Variants in GUSB observed in about 807,000 individuals in gnomAD.
GUSB encodes the protein glucuronidase beta.
GUSB carries 51 observed loss-of-function variants against 74.6 expected under a neutral mutation model. The observed-to-expected ratio is 0.68, with a 90% CI of 0.55 to 0.86. The LOEUF (loss-of-function observed/expected upper bound fraction) is 0.86, where lower values mean the gene tolerates loss of function less well. Among genes scored for constraint, GUSB ranks in the 40% least tolerant of loss-of-function variants. The pLI, the probability that GUSB is intolerant of heterozygous loss-of-function variation, is 0.00. For synonymous variants in GUSB, 360 were observed against 348.3 expected, an observed-to-expected ratio of 1.03 and a Z score of -0.37; for missense variants, 736 against 853.7, an observed-to-expected ratio of 0.86 and a Z score of 1.72.
chr7:65,977,127 C>T (rs1562690804), intron 4 of GUSB, among the ~76,000 whole-genome samples: 2 of 152,096 alleles, frequency 1.3e-5, no homozygotes, highest in Non-Finnish European at 2.9e-5. Flanking sequence ...CTCATCCTTA[C>T]GAGCAGCCTG....
chr7:65,980,675 G>C, intron 1 of GUSB: 9 of 510,078 alleles, frequency 1.8e-5, no homozygotes, highest in Non-Finnish European at 2.5e-5. Flanking sequence ...ATCCCAGCCA[G>C]AGGCAAGAAG....
At chr7:65,973,268 C>T (rs1791332393) in intron 8 of GUSB, among the ~76,000 whole-genome samples, 1 of 152,068 alleles carries the variant, frequency 6.6e-6, no homozygotes, top group African/African-American at 2.4e-5. Flanking sequence ...CCTGGCCCAA[C>T]ATAGTGAAAC....
chr7:65,975,492 C>T lies in GUSB; in HGVS notation c.913-421G>A. On this transcript the variant is annotated intron_variant, in intron 5 of 11. Coordinates refer to ENST00000304895, the MANE Select transcript of GUSB (RefSeq NM_000181.4). The stretch of plus-strand genomic sequence containing the variant: ...CTCTGCCTCCTGAGTTCAAGCAATT[C>T]TCCTGCCTCAGCCTCCCGAGTGGCT... 3 of 264,146 alleles carry T rather than the reference C, an allele frequency of 1.1e-5. 1 individual carries two copies. The highest frequency in any genetic ancestry group is 2.2e-5 in the Non-Finnish European group (3 of 134,120). The allele number at this position is 264,146 out of a possible 1,614,324, so 16.4% of individuals were successfully genotyped here.
rs370769242 is a variant in GUSB, at chr7:65,974,446, G to A, written c.1245-5C>T. 2.4e-5 allele frequency: 38 copies of A among 1,614,158 alleles called. No individual in the cohort carries two copies. Among genetic ancestry groups the A allele is most frequent in the African/African-American group, 5.3e-5 (4 of 75,044 alleles). ...GAAACGTTGTTGAAGAACTGCCTGC[G>A]GGCCAGGAGGGAAGGGACAGAGGGT... On this transcript the variant is annotated splice_polypyrimidine_tract_variant and splice_region_variant and intron_variant, in intron 7 of 11. Transcript: ENST00000304895.
At chr7:65,973,455 C>T (rs1047180598) in intron 8 of GUSB, among the ~76,000 whole-genome samples, 12 of 152,210 alleles carry the variant, frequency 7.9e-5, no homozygotes, top group South Asian at 4.1e-4. Flanking sequence ...GGTATGTTGG[C>T]GTGTGCCTGT....
rs1166304465 is a variant in GUSB at position 65,960,913 on chromosome 7, T to C, written c.1940A>G (p.Asn647Ser). The change falls in exon 12 of 12, where the codon AAC becomes AGC. Residue 647 changes from asparagine (N) to serine (S), a missense_variant. Coordinates refer to ENST00000304895, the MANE Select transcript of GUSB (RefSeq NM_000181.4). ...HSVAKSQCLENSLFT is the reference protein window; with the variant it reads ...HSVAKSQCLESSLFT The stretch of plus-strand genomic sequence containing the variant: ...CAGTCTTGCTCAAGTAAACAGGCTG[T>C]TTTCCAAACATTGTGACTTGGCTAC... 6.2e-7 allele frequency: 1 copy of C among 1,613,786 alleles called. No homozygotes were observed. The highest frequency in any genetic ancestry group is 8.5e-7 in the Non-Finnish European group (1 of 1,179,912).
At position 65,974,330 on chromosome 7, in the gene GUSB, A is replaced by G. The variant is rs1321970104; in HGVS notation, c.1356T>C (p.Pro452=). 1 of 1,614,130 alleles carries G rather than the reference A, an allele frequency of 6.2e-7. No homozygotes were observed. Among genetic ancestry groups the G allele is most frequent in the East Asian group, 2.2e-5 (1 of 44,864 alleles). Residue 452 remains proline, a synonymous_variant, in exon 8 of 12, where the codon CCT becomes CCC. Coordinates refer to ENST00000304895, the MANE Select transcript of GUSB (RefSeq NM_000181.4). ...AVVMWSVANE[P]ASHLESAGYY... ...AGCCAGCAGATTCTAGGTGGGACGCAGGCTCGTTGGCCACAGACCACATCA... is the reference window on the plus strand; with the variant it reads ...AGCCAGCAGATTCTAGGTGGGACGCGGGCTCGTTGGCCACAGACCACATCA...
chr7:65,964,795 G>A (rs1267947083), intron 10 of GUSB, among the ~76,000 whole-genome samples: 5 of 152,166 alleles, frequency 3.3e-5, no homozygotes, highest in African/African-American at 1.2e-4. Flanking sequence ...TCAGTCAGGT[G>A]CAGTGGCTCA....
In GUSB at chr7:65,982,199, G is replaced by C; in HGVS notation, c.-16C>G. ...CCCGGGCCATGCTTCCCGGTCCCCC[G>C]CTCGGCCACCGTCTGCGGCGCTAAG... On this transcript the variant is annotated 5_prime_UTR_variant, in exon 1 of 12. Transcript: ENST00000304895. The C allele has an allele frequency of 1.3e-6, 2 of 1,496,586 alleles. No homozygotes were observed. The highest frequency in any genetic ancestry group is 1.8e-6 in the Non-Finnish European group (2 of 1,122,640). The allele number at this position is 1,496,586 out of a possible 1,614,324, so 92.7% of individuals were successfully genotyped here. A position where few individuals can be genotyped will look rare whatever the true frequency, so the allele number is the denominator to read the frequency against.
chr7:65,975,907 C>T (rs995355609), intron 5 of GUSB, 108 bp downstream of exon 5: 2 of 841,226 alleles, frequency 2.4e-6, no homozygotes, highest in Non-Finnish European at 3.8e-6. Context: ...CATCAGAAAG[C>T]TCAGAGGACC....
intron 4 of GUSB, among the ~76,000 whole-genome samples, chr7:65,977,642 G>A (rs1337431906): frequency 2.6e-5 from 4 of 151,542 alleles, no homozygotes; most frequent in African/African-American, 7.3e-5. Flanking sequence ...CATCCACCTT[G>A]GACTCCCAAA....
intron 3 of GUSB, 66 bp downstream of exon 3, chr7:65,979,661 T>C (rs1044291118): frequency 8.7e-5 from 138 of 1,587,312 alleles, no homozygotes; most frequent in Non-Finnish European, 1.1e-4. Flanking sequence ...ACCCAGTCCC[T>C]ACCAGGAAGA....
At chr7:65,980,049 T>G in intron 2 of GUSB, 138 bp from the exon 3 acceptor site, 1 of 939,948 alleles carries the variant, frequency 1.1e-6, no homozygotes. Flanking sequence ...GACATCCCAA[T>G]GGGGTAGATC....
intron 8 of GUSB, among the ~76,000 whole-genome samples, chr7:65,971,038 G>A (rs1406055592): frequency 5.3e-5 from 8 of 152,104 alleles, no homozygotes; most frequent in Admixed American, 1.3e-4. Context: ...CCCCATCTCC[G>A]AATCCTATAC....
At chr7:65,974,156 C>T in intron 8 of GUSB, 139 bp downstream of exon 8, 1 of 770,840 alleles carries the variant, frequency 1.3e-6, no homozygotes, top group Non-Finnish European at 2.2e-6. Flanking sequence ...ATATTTGGTC[C>T]CCTGAACTAT....
At position 65,979,783 on chromosome 7, in the gene GUSB, T is replaced by A; in HGVS notation, c.525A>T (p.Thr175=). ...CTGGTGGCAGGGTGGTGGGGGTGAG[T>A]GTGTTGTTGATGGCGATAGTGATTC... ...RLRITIAINN[T]LTPTTLPPGT... is the part of the protein sequence containing the mutation. Residue 175 remains threonine (T), a synonymous_variant, in exon 3 of 12, where the codon ACA becomes ACT. Coordinates refer to ENST00000304895, the MANE Select transcript of GUSB (RefSeq NM_000181.4). The A allele has an allele frequency of 6.2e-7, 1 of 1,612,934 alleles. No individual in the cohort carries two copies. The highest frequency in any genetic ancestry group is 8.5e-7 in the Non-Finnish European group (1 of 1,179,792).
Position 65,974,361 on chromosome 7 carries a change from G to A in GUSB, c.1325C>T (p.Ala442Val), listed in dbSNP as rs763845326. The A allele has an allele frequency of 3.2e-5, 51 of 1,613,982 alleles. No individual in the cohort carries two copies. The highest frequency in any genetic ancestry group is 4.0e-5 in the Non-Finnish European group (47 of 1,179,968). Residue 442 changes from alanine to valine, a missense_variant, in exon 8 of 12, where the codon GCG becomes GTG. Ala to Val is a moderately conservative substitution (Grantham distance 64, BLOSUM62 0). This residue lies in a region of GUSB where 368 missense variants were observed against 489.9 expected (regional missense o/e 0.75). Coordinates refer to ENST00000304895, the MANE Select transcript of GUSB (RefSeq NM_000181.4). ...GTTGGCCACAGACCACATCACGACC[G>A]CGGGGTGGTTCTTGTCCCTACGCAC... ...EVVRRDKNHP[A>V]VVMWSVANEP...
rs748161388 is a variant in GUSB at position 65,979,896 on chromosome 7, C to G, written c.412G>C (p.Asp138His). The G allele has an allele frequency of 1.9e-6, 3 of 1,601,978 alleles. No homozygotes were observed. ...TAGCCCCCCTCATGCTCTAGCGTGT[C>G]GACCCCATTCACCCACTGCAGACAC... ...SYAIVWVNGVDTLEHEGGYLP... is the reference protein window; with the variant it reads ...SYAIVWVNGVHTLEHEGGYLP... Residue 138 changes from aspartate to histidine, a missense_variant, in exon 3 of 12, where the codon GAC becomes CAC. By Grantham distance (81) the Asp-to-His change is moderately conservative. This residue lies in a region of GUSB where 368 missense variants were observed against 363.8 expected (regional missense o/e 1.01). Transcript: ENST00000304895.
At chr7:65,964,934 T>G (rs992055674) in intron 10 of GUSB, among the ~76,000 whole-genome samples, 43 of 152,072 alleles carry the variant, frequency 2.8e-4, no homozygotes, top group African/African-American at 1.0e-3. Flanking sequence ...CCAAGCCTAG[T>G]GGCACACATC....
Sources: gnomAD v4.1 joint callset for allele counts (sites outside exome capture counted in the v4.1 genomes callset) on GRCh38, gnomAD v4.1.1 for gene constraint, gnomAD v4.1.1 regional missense constraint, MANE v1.5 for transcripts, NCBI Gene and HGNC (gene_info 2026-07-23, HGNC 2026-07-21) for gene names.